ERBB4: variants seen among roughly 807,000 people sequenced by gnomAD.
The protein encoded by ERBB4 is erb-b2 receptor tyrosine kinase 4, also known as receptor tyrosine-protein kinase erbB-4.
ERBB4 carries 42 observed loss-of-function variants against 158.0 expected under a neutral mutation model. That is an observed-to-expected ratio of 0.27 (90% CI 0.21 to 0.34). ERBB4 has a LOEUF of 0.34. ERBB4 is among the 10% of genes least tolerant of loss of function. The pLI is 1.00. For synonymous variants in ERBB4, 583 were observed against 558.7 expected (o/e 1.04, Z -0.61); for missense variants, 1,333 against 1,624.1 (o/e 0.82, Z 3.08).
chr2:212,331,058 G>GTATATATATATATATATATATATATA, intron 1 of ERBB4, among the ~76,000 whole-genome samples: 1,360 of 56,096 alleles, frequency 0.024, 159 homozygotes, highest in Middle Eastern at 0.081. Flanking sequence ...TTTGTAATTT[G>GTATATATATATATATATATATATATA]TATATATATA....
chr2:211,402,041 C>A (rs1255372216), intron 25 of ERBB4, among the ~76,000 whole-genome samples: 1 of 151,796 alleles, frequency 6.6e-6, no homozygotes, highest in Non-Finnish European at 1.5e-5. Flanking sequence ...AATATTAATA[C>A]ATGGTCTTAT....
Position 212,245,875 on chromosome 2 carries a change from A to G in ERBB4, c.83-120972T>C, listed in dbSNP as rs1219198005. 2.0e-5 allele frequency among the ~76,000 whole-genome samples: 3 copies of G among 152,082 alleles called. No homozygotes were observed. The East Asian group carries it at 5.8e-4, about 29-fold the overall frequency. ...CTCCCCTTTCCTTCTCACTATTTACAAAAGGGAGATGGGAGAAAAATTCAG... is the reference window on the plus strand; with the variant it reads ...CTCCCCTTTCCTTCTCACTATTTACGAAAGGGAGATGGGAGAAAAATTCAG... On this transcript the variant is annotated intron_variant, in intron 1 of 27. Coordinates refer to ENST00000342788, the MANE Select transcript of ERBB4 (RefSeq NM_005235.3).
intron 1 of ERBB4, among the ~76,000 whole-genome samples, chr2:212,200,026 TG>T (rs2082546384): frequency 6.6e-6 from 1 of 152,212 alleles, no homozygotes; most frequent in Non-Finnish European, 1.5e-5. Flanking sequence ...AAAAGTTTAC[TG>T]AAAATCCTCA....
intron 20 of ERBB4, among the ~76,000 whole-genome samples, chr2:211,500,459 T>A (rs985960227): frequency 6.6e-6 from 1 of 152,100 alleles, no homozygotes; most frequent in Non-Finnish European, 1.5e-5. Flanking sequence ...ATTTAAACTT[T>A]CATGTATTAA....
intron 12 of ERBB4, among the ~76,000 whole-genome samples, chr2:211,701,615 G>A (rs975422743): frequency 6.6e-6 from 1 of 151,844 alleles, no homozygotes; most frequent in Non-Finnish European, 1.5e-5. Flanking sequence ...AAAATTAGCC[G>A]GGCGCGGCGG....
intron 1 of ERBB4, among the ~76,000 whole-genome samples, chr2:212,340,577 G>A (rs775862117): frequency 1.1e-4 from 16 of 152,122 alleles, no homozygotes; most frequent in African/African-American, 3.9e-4. Context: ...CCTTGCATGC[G>A]CAGTTCACAA....
At chr2:211,986,701 T>C (rs565768182) in intron 2 of ERBB4, among the ~76,000 whole-genome samples, 7 of 152,286 alleles carry the variant, frequency 4.6e-5, no homozygotes, top group African/African-American at 1.7e-4. Context: ...ACTCAATGCA[T>C]AGATTGTTGT....
intron 2 of ERBB4, among the ~76,000 whole-genome samples, chr2:211,983,247 G>T (rs1259732138): frequency 1.3e-5 from 2 of 152,120 alleles, no homozygotes; most frequent in Admixed American, 1.3e-4. Flanking sequence ...AGTGGGGTTA[G>T]AAAGAAATGG....
chr2:211,934,486 A>G (rs2080259341), intron 3 of ERBB4, among the ~76,000 whole-genome samples: 1 of 152,012 alleles, frequency 6.6e-6, no homozygotes, highest in Non-Finnish European at 1.5e-5. Flanking sequence ...TTTTCATGAA[A>G]TCAGTAATTA....
chr2:212,359,747 A>G (rs949273555), intron 1 of ERBB4, among the ~76,000 whole-genome samples: 1 of 151,784 alleles, frequency 6.6e-6, no homozygotes, highest in Non-Finnish European at 1.5e-5. Context: ...TATTGTGAAG[A>G]TTGTCTGTGT....
intron 2 of ERBB4, among the ~76,000 whole-genome samples, chr2:211,951,149 A>G (rs1372331364): frequency 6.6e-6 from 1 of 152,172 alleles, no homozygotes; most frequent in Non-Finnish European, 1.5e-5. Context: ...CAAACTTATC[A>G]TTAGCTTCCA....
At chr2:212,093,841 CAT>C (rs2078850478) in intron 2 of ERBB4, among the ~76,000 whole-genome samples, 1 of 152,020 alleles carries the variant, frequency 6.6e-6, no homozygotes, top group African/African-American at 2.4e-5. Flanking sequence ...TTAGGGAAAA[CAT>C]AGATATTTTA....
rs1223209272 is a variant in ERBB4 at position 211,382,673 on chromosome 2, C to A, written c.*942G>T. The A allele has an allele frequency of 4.3e-6, 1 of 232,414 alleles. No homozygotes were observed. Among genetic ancestry groups the A allele is most frequent in the Non-Finnish European group, 8.5e-6 (1 of 117,706 alleles). 14.4% of individuals were successfully genotyped at this position (232,414 alleles called of 1,614,324 possible). On this transcript the variant is annotated 3_prime_UTR_variant, in exon 28 of 28. Coordinates refer to ENST00000342788, the MANE Select transcript of ERBB4 (RefSeq NM_005235.3). ...CACAGAGAACTGTCTCTTAGTTTCC[C>A]TTCTACTCTTCAGACAACCAACGGC...
At chr2:212,074,036 G>A (rs1417050596) in intron 2 of ERBB4, among the ~76,000 whole-genome samples, 3 of 151,994 alleles carry the variant, frequency 2.0e-5, no homozygotes, top group Non-Finnish European at 4.4e-5. Context: ...ATCCAGCCAA[G>A]AAAGCACACA....
intron 3 of ERBB4, among the ~76,000 whole-genome samples, chr2:211,804,387 A>C (rs1439382289): frequency 2.0e-5 from 3 of 152,144 alleles, no homozygotes; most frequent in Non-Finnish European, 4.4e-5. Context: ...GCATAGGAGA[A>C]AGGAAATTTT....
chr2:211,881,878 C>T lies in ERBB4; in HGVS notation c.421+65552G>A, dbSNP rs114193418. On this transcript the variant is annotated intron_variant, in intron 3 of 27. Transcript: ENST00000342788. ...TGAGACAACGAACCTTGGATATTAT[C>T]CCAGACAACGAAGCAGCTTCAGTGG... Among the ~76,000 whole-genome samples, 964 of 152,226 alleles carry T rather than the reference C, an allele frequency of 6.3e-3. 11 individuals are homozygous for T. Among genetic ancestry groups the T allele is most frequent in the African/African-American group, 0.021 (893 of 41,540 alleles).
intron 2 of ERBB4, among the ~76,000 whole-genome samples, chr2:212,055,906 C>A (rs2077550203): frequency 6.6e-6 from 1 of 152,218 alleles, no homozygotes; most frequent in Non-Finnish European, 1.5e-5. Flanking sequence ...TCCTCACCAG[C>A]AATGGAACAA....
At chr2:212,123,185 T>C (rs2125566390) in intron 2 of ERBB4, among the ~76,000 whole-genome samples, 1 of 152,304 alleles carries the variant, frequency 6.6e-6, no homozygotes, top group Middle Eastern at 3.4e-3. Context: ...GCGGATTGCC[T>C]GAGCTCAGGA....
At chr2:212,341,236 T>C (rs1278935491) in intron 1 of ERBB4, among the ~76,000 whole-genome samples, 3 of 151,914 alleles carry the variant, frequency 2.0e-5, no homozygotes, top group African/African-American at 7.2e-5. Context: ...ATAAGTATTA[T>C]TATATATTTC....
Sources: allele counts gnomAD v4.1 joint callset (sites outside exome capture counted in the v4.1 genomes callset), GRCh38; gene constraint gnomAD v4.1.1; transcripts MANE v1.5; gene names NCBI Gene and HGNC (gene_info 2026-07-23, HGNC 2026-07-21).